The following MACROD2 variants were observed in gnomAD, a reference collection of about 807,000 sequenced individuals.
The protein encoded by MACROD2 is mono-ADP ribosylhydrolase 2, also known as ADP-ribose glycohydrolase MACROD2.
A neutral mutation model predicts 70.4 loss-of-function variants in MACROD2; 36 were observed. The observed-to-expected ratio is 0.51, with a 90% confidence interval of 0.39 to 0.68. The LOEUF is 0.68. Among genes scored for constraint, MACROD2 ranks in the 30% least tolerant of loss-of-function variants. MACROD2 has a pLI of 0.00. For missense variants in MACROD2, 496 were observed against 538.4 expected (o/e 0.92, Z 0.78); for synonymous variants, 172 against 178.8 (o/e 0.96, Z 0.30).
At chr20:15,210,421 A>G (rs947797466) in intron 5 of MACROD2, among the ~76,000 whole-genome samples, 3 of 152,136 alleles carry the variant, frequency 2.0e-5, no homozygotes, top group Non-Finnish European at 4.4e-5. Context: ...CGTGTTTTGC[A>G]TATTCTGGGC....
chr20:14,511,915 G>T (rs911932640), intron 4 of MACROD2, among the ~76,000 whole-genome samples: 3 of 150,080 alleles, frequency 2.0e-5, no homozygotes, highest in Non-Finnish European at 4.4e-5. Flanking sequence ...ACTACACCAC[G>T]CAGTAAAGAA....
intron 5 of MACROD2, among the ~76,000 whole-genome samples, chr20:15,032,353 C>T (rs930028826): frequency 2.0e-5 from 3 of 152,220 alleles, no homozygotes; most frequent in Admixed American, 6.5e-5. Context: ...GCTGCCCTGG[C>T]GCGCCTACCC....
intron 5 of MACROD2, among the ~76,000 whole-genome samples, chr20:15,091,168 C>A (rs1346682043): frequency 1.3e-5 from 2 of 152,018 alleles, no homozygotes; most frequent in East Asian, 3.9e-4. Flanking sequence ...GTAACACATT[C>A]AACATTGACT....
At chr20:14,598,260 G>T (rs559357908) in intron 4 of MACROD2, among the ~76,000 whole-genome samples, 3 of 152,152 alleles carry the variant, frequency 2.0e-5, no homozygotes, top group South Asian at 4.2e-4. Flanking sequence ...TCTGATATTT[G>T]TGGTTTAAAA....
intron 5 of MACROD2, among the ~76,000 whole-genome samples, chr20:14,708,011 A>G (rs545068293): frequency 2.6e-4 from 40 of 152,288 alleles, no homozygotes; most frequent in African/African-American, 8.7e-4. Flanking sequence ...CAAACAAGCT[A>G]TGTGTGCATA....
intron 5 of MACROD2, among the ~76,000 whole-genome samples, chr20:14,992,936 C>A (rs2074917885): frequency 6.6e-6 from 1 of 152,094 alleles, no homozygotes; most frequent in African/African-American, 2.4e-5. Flanking sequence ...CTAGAAATAT[C>A]TTTTGGGTGG....
chr20:15,985,938 C>T (rs1026001672), intron 13 of MACROD2: 2 of 152,200 alleles, frequency 1.3e-5, no homozygotes, highest in African/African-American at 2.4e-5. Context: ...ATGAAAGGGT[C>T]GTGATTGATT....
At chr20:14,727,951 T>C (rs1299743823) in intron 5 of MACROD2, among the ~76,000 whole-genome samples, 1 of 152,196 alleles carries the variant, frequency 6.6e-6, no homozygotes, top group East Asian at 1.9e-4. Context: ...AATCCTTTCA[T>C]AGCCCATGAA....
At chr20:14,671,278 T>G (rs2070791748) in intron 4 of MACROD2, among the ~76,000 whole-genome samples, 1 of 152,170 alleles carries the variant, frequency 6.6e-6, no homozygotes, top group African/African-American at 2.4e-5. Context: ...TTACTATGAA[T>G]TTAGCATCTG....
intron 3 of MACROD2, among the ~76,000 whole-genome samples, chr20:14,226,627 G>A (rs2081737935): frequency 6.6e-6 from 1 of 152,156 alleles, no homozygotes; most frequent in African/African-American, 2.4e-5. Flanking sequence ...TGCCAGCCCG[G>A]GCAATGAGGG....
chr20:14,806,865 C>T (rs772499849), intron 5 of MACROD2, among the ~76,000 whole-genome samples: 4 of 152,136 alleles, frequency 2.6e-5, no homozygotes, highest in African/African-American at 9.7e-5. Flanking sequence ...CACTGCATAG[C>T]TGCTGTAGCC....
intron 5 of MACROD2, among the ~76,000 whole-genome samples, chr20:14,953,214 T>A (rs892694487): frequency 1.3e-5 from 2 of 152,178 alleles, no homozygotes; most frequent in African/African-American, 4.8e-5. Flanking sequence ...TTAGGATAGC[T>A]TTGACCTTTC....
intron 3 of MACROD2, among the ~76,000 whole-genome samples, chr20:14,411,088 T>C (rs2083744182): frequency 6.6e-6 from 1 of 152,166 alleles, no homozygotes; most frequent in Non-Finnish European, 1.5e-5. Context: ...TTAAAGTGTT[T>C]GCTGATGACA....
At chr20:15,825,218 C>T (rs6043558) in intron 8 of MACROD2, among the ~76,000 whole-genome samples, 3 of 152,192 alleles carry the variant, frequency 2.0e-5, no homozygotes, top group Admixed American at 2.0e-4. Flanking sequence ...CTGGGCAGCC[C>T]TTGTGACTAC....
chr20:14,003,156 A>G (rs1470740045), intron 2 of MACROD2, among the ~76,000 whole-genome samples: 1 of 152,242 alleles, frequency 6.6e-6, no homozygotes, highest in Non-Finnish European at 1.5e-5. Context: ...GACTTGAAAC[A>G]TGCTAATTTC....
intron 8 of MACROD2, among the ~76,000 whole-genome samples, chr20:15,650,560 T>C (rs922250627): frequency 2.0e-5 from 3 of 152,222 alleles, no homozygotes; most frequent in African/African-American, 7.2e-5. Context: ...AAAATGACCA[T>C]CTGTGTTCAG....
rs540459003 is a variant in MACROD2 at position 15,286,692 on chromosome 20, T to C, written c.540+56631T>C. Among the ~76,000 whole-genome samples the C allele has an allele frequency of 5.3e-5, 8 of 152,290 alleles. No homozygotes were observed. The South Asian group carries it at 6.2e-4, about 12-fold the overall frequency. ...AGGTCGCCATTTAGTAAATAGCACA[T>C]TTATTTCTAGCCAAGAAGACACAGT... On this transcript the variant is annotated intron_variant, in intron 6 of 17. Transcript: ENST00000684519.
At chr20:15,024,100 T>G (rs1267709231) in intron 5 of MACROD2, among the ~76,000 whole-genome samples, 2 of 152,152 alleles carry the variant, frequency 1.3e-5, no homozygotes, top group Non-Finnish European at 2.9e-5. Context: ...GATACCTTTA[T>G]TGCTGATAAA....
chr20:14,689,711 C>T (rs2071041032), intron 5 of MACROD2, among the ~76,000 whole-genome samples: 1 of 152,310 alleles, frequency 6.6e-6, no homozygotes, highest in South Asian at 2.1e-4. Context: ...CTTCTCGCCT[C>T]ACCTCAGCTA....
Sources: allele counts gnomAD v4.1 joint callset (sites outside exome capture counted in the v4.1 genomes callset), GRCh38; gene constraint gnomAD v4.1.1; transcripts MANE v1.5; gene names NCBI Gene and HGNC (gene_info 2026-07-23, HGNC 2026-07-21).